Variants in CLVS1 observed in about 807,000 individuals in gnomAD.
The protein encoded by CLVS1 is clavesin 1.
CLVS1 carries 10 observed loss-of-function variants against 33.1 expected under a neutral mutation model. That is an observed-to-expected ratio of 0.30 (90% CI 0.19 to 0.51). The LOEUF is 0.51. Among genes scored for constraint, CLVS1 ranks in the 20% least tolerant of loss-of-function variants. The pLI is 0.97. For missense variants in CLVS1, 343 were observed against 433.4 expected (o/e 0.79, Z 1.85); for synonymous variants, 163 against 166.1 (o/e 0.98, Z 0.14).
intron 1 of CLVS1, among the ~76,000 whole-genome samples, chr8:61,065,288 A>G (rs1804655770): frequency 6.6e-6 from 1 of 152,220 alleles, no homozygotes; most frequent in Non-Finnish European, 1.5e-5. Context: ...TTTTCTAGGG[A>G]AAAATGACAA....
chr8:61,288,303 C>T, intron 1 of CLVS1, 165 bp downstream of exon 1: 1 of 455,692 alleles, frequency 2.2e-6, no homozygotes, highest in Non-Finnish European at 4.4e-6. Context: ...CCGCTCCCCG[C>T]CGCCTCCGCG....
At chr8:61,040,115 T>C in the CLVS1 span, among the ~76,000 whole-genome samples, 36 of 152,222 alleles carry the variant, frequency 2.4e-4, no homozygotes, top group African/African-American at 8.0e-4. Flanking sequence ...CATTCCTACA[T>C]TGATTTGCTT....
chr8:61,029,715 G>A, the CLVS1 span, among the ~76,000 whole-genome samples: 2 of 151,994 alleles, frequency 1.3e-5, no homozygotes, highest in African/African-American at 4.8e-5. Context: ...CAAGGTCTAC[G>A]TTAGGTATTT....
intron 2 of CLVS1, among the ~76,000 whole-genome samples, chr8:61,182,896 C>CA (rs1807267890): frequency 7.1e-6 from 1 of 141,060 alleles, no homozygotes. Flanking sequence ...TGGAACCAAC[C>CA]CTAATGCCCA....
At chr8:61,408,013 T>G (rs980966344) in intron 3 of CLVS1, among the ~76,000 whole-genome samples, 13 of 152,218 alleles carry the variant, frequency 8.5e-5, no homozygotes, top group African/African-American at 3.1e-4. Context: ...CTTCTTTATA[T>G]TAGTATTTAC....
At chr8:61,119,200 C>A (rs1295307196) in intron 1 of CLVS1, among the ~76,000 whole-genome samples, 1 of 152,110 alleles carries the variant, frequency 6.6e-6, no homozygotes. Flanking sequence ...GCAACCCCTG[C>A]CTTTATTTGT....
intron 4 of CLVS1, among the ~76,000 whole-genome samples, chr8:61,458,058 C>T (rs1365383488): frequency 6.6e-6 from 1 of 152,216 alleles, no homozygotes; most frequent in African/African-American, 2.4e-5. Flanking sequence ...GTAAATTTGG[C>T]CCACAGCCAA....
intron 2 of CLVS1, among the ~76,000 whole-genome samples, chr8:61,164,090 T>C (rs754483570): frequency 6.6e-6 from 1 of 152,246 alleles, no homozygotes; most frequent in Non-Finnish European, 1.5e-5. Flanking sequence ...ATTTGATTAT[T>C]TCTTTACCTC....
chr8:61,130,270 A>T (rs1047637572), intron 1 of CLVS1, among the ~76,000 whole-genome samples: 1 of 148,680 alleles, frequency 6.7e-6, no homozygotes, highest in African/African-American at 2.4e-5. Context: ...TAAATAAATA[A>T]ATAAATATAA....
At chr8:61,435,182 G>A (rs1259271850) in intron 3 of CLVS1, among the ~76,000 whole-genome samples, 2 of 152,174 alleles carry the variant, frequency 1.3e-5, no homozygotes, top group Non-Finnish European at 2.9e-5. Flanking sequence ...AGAAGAGACA[G>A]AGACTTGAAA....
At chr8:61,446,852 A>G (rs1177041723) in intron 3 of CLVS1, among the ~76,000 whole-genome samples, 4 of 147,110 alleles carry the variant, frequency 2.7e-5, no homozygotes, top group African/African-American at 5.0e-5. Flanking sequence ...TGGCCCATCC[A>G]TGGGTTATTT....
chr8:61,085,450 T>G (rs751007180), intron 1 of CLVS1, among the ~76,000 whole-genome samples: 3 of 152,158 alleles, frequency 2.0e-5, no homozygotes, highest in South Asian at 2.1e-4. Flanking sequence ...CTCTCAATGT[T>G]TATTAAACAA....
intron 2 of CLVS1, among the ~76,000 whole-genome samples, chr8:61,279,304 TAGTTTTC>T (rs1809622861): frequency 2.0e-5 from 3 of 152,174 alleles, no homozygotes; most frequent in Non-Finnish European, 4.4e-5. Context: ...AGAGGTGTCT[TAGTTTTC>T]TCATCTCTCC....
At chr8:61,039,601 G>A in the CLVS1 span, among the ~76,000 whole-genome samples, 4 of 151,898 alleles carry the variant, frequency 2.6e-5, no homozygotes, top group African/African-American at 9.7e-5. Flanking sequence ...GGAGTGCAGC[G>A]GCGTGATCAC....
chr8:61,347,442 A>G (rs1361190324), intron 2 of CLVS1, among the ~76,000 whole-genome samples: 1 of 151,834 alleles, frequency 6.6e-6, no homozygotes, highest in African/African-American at 2.4e-5. Flanking sequence ...AGCAGAGAGT[A>G]GAGTGATGGT....
At chr8:61,283,580 T>C (rs1034006899), upstream of CLVS1, among the ~76,000 whole-genome samples, 28 of 152,220 alleles carry the variant, frequency 1.8e-4, no homozygotes, top group Non-Finnish European at 3.7e-4. Flanking sequence ...AGTTCTCATG[T>C]ATACATTTCC....
intron 2 of CLVS1, among the ~76,000 whole-genome samples, chr8:61,188,453 A>G (rs1807391535): frequency 6.6e-6 from 1 of 151,942 alleles, no homozygotes; most frequent in African/African-American, 2.4e-5. Flanking sequence ...ACAGACAGAT[A>G]GAGAAAAAGA....
the CLVS1 span, among the ~76,000 whole-genome samples, chr8:61,036,217 G>A: frequency 6.6e-6 from 1 of 152,226 alleles, no homozygotes; most frequent in Non-Finnish European, 1.5e-5. Context: ...CAAGGAAAGA[G>A]AAAGAATAGC....
intron 1 of CLVS1, among the ~76,000 whole-genome samples, chr8:61,296,726 T>A (rs767328166): frequency 3.9e-5 from 6 of 152,340 alleles, no homozygotes; most frequent in Admixed American, 2.0e-4. Flanking sequence ...TTGACTACTT[T>A]CTTTATTCAT....
Sources: gnomAD v4.1 joint callset for allele counts (sites outside exome capture counted in the v4.1 genomes callset) on GRCh38, gnomAD v4.1.1 for gene constraint, MANE v1.5 for transcripts, NCBI Gene and HGNC (gene_info 2026-07-23, HGNC 2026-07-21) for gene names.